The following ATXN1 variants were observed in gnomAD, a reference collection of about 807,000 sequenced individuals.
ATXN1 encodes ataxin 1, also known as ataxin-1.
ATXN1 carries 8 observed loss-of-function variants against 56.4 expected under a neutral mutation model. The ratio of observed to expected loss-of-function variants is 0.14; its 90% confidence interval spans 0.08 to 0.26. ATXN1 has a LOEUF of 0.26. Among genes scored for constraint, ATXN1 ranks in the 10% least tolerant of loss-of-function variants. The probability of loss-of-function intolerance (pLI) is 1.00; values close to 1 mark genes in which losing one functional copy is unlikely to be tolerated. For missense variants in ATXN1, 987 were observed against 1,106.5 expected, an observed-to-expected ratio of 0.89 and a Z score of 1.53; for synonymous variants, 514 against 494.6, an observed-to-expected ratio of 1.04 and a Z score of -0.52.
chr6:16,514,141 G>C (rs1473388148), intron 5 of ATXN1, among the ~76,000 whole-genome samples: 3 of 152,098 alleles, frequency 2.0e-5, no homozygotes, highest in Non-Finnish European at 4.4e-5. Context: ...GCCCCAGAAA[G>C]CAAAACGGGA....
At chr6:16,712,383 G>A (rs758576491) in intron 2 of ATXN1, among the ~76,000 whole-genome samples, 1 of 152,146 alleles carries the variant, frequency 6.6e-6, no homozygotes, top group Non-Finnish European at 1.5e-5. Context: ...AAACAGCCAC[G>A]CAAGGCAGAC....
At chr6:16,417,644 T>G (rs1758940610) in intron 6 of ATXN1, among the ~76,000 whole-genome samples, 1 of 151,986 alleles carries the variant, frequency 6.6e-6, no homozygotes, top group Admixed American at 6.6e-5. Context: ...TTCGCCATAT[T>G]AGCCAGGATG....
chr6:16,357,001 C>T (rs1451293662), intron 6 of ATXN1, among the ~76,000 whole-genome samples: 1 of 152,074 alleles, frequency 6.6e-6, no homozygotes, highest in Non-Finnish European at 1.5e-5. Flanking sequence ...GTACACCACA[C>T]CACCTCTTTA....
chr6:16,430,438 AT>A (rs1759256172), intron 6 of ATXN1, among the ~76,000 whole-genome samples: 1 of 152,210 alleles, frequency 6.6e-6, no homozygotes, highest in African/African-American at 2.4e-5. Context: ...ATTATGAGTA[AT>A]TAGCACAAAG....
At chr6:16,691,093 A>G (rs565836099) in intron 2 of ATXN1, among the ~76,000 whole-genome samples, 1 of 152,334 alleles carries the variant, frequency 6.6e-6, no homozygotes, top group Admixed American at 6.5e-5. Context: ...GACATGATGC[A>G]ACCACCTTCA....
chr6:16,694,013 A>C (rs1310401225), intron 2 of ATXN1, among the ~76,000 whole-genome samples: 1 of 152,252 alleles, frequency 6.6e-6, no homozygotes, highest in East Asian at 1.9e-4. Flanking sequence ...TACAAAAGTC[A>C]AAACTTGAAA....
chr6:16,445,684 C>T (rs1442599122), intron 6 of ATXN1, among the ~76,000 whole-genome samples: 9 of 118,902 alleles, frequency 7.6e-5, no homozygotes, highest in Non-Finnish European at 8.6e-5. Context: ...TCCCCCCACC[C>T]CACAACAGTC....
chr6:16,443,362 G>A (rs34444826), intron 6 of ATXN1, among the ~76,000 whole-genome samples: 44,738 of 151,768 alleles, frequency 0.29, 7,366 homozygotes, highest in East Asian at 0.61. Context: ...TGTGGGTTTT[G>A]TTTCAGGAAA....
Position 16,761,359 on chromosome 6 carries a change from G to A in ATXN1, c.-791C>T. 1 of 456,570 alleles carries A rather than the reference G, an allele frequency of 2.2e-6. No individual in the cohort carries two copies. The highest frequency in any genetic ancestry group is 4.4e-6 in the Non-Finnish European group (1 of 226,930). 28.3% of individuals were successfully genotyped at this position (456,570 alleles called of 1,614,324 possible). A position where few individuals can be genotyped will look rare whatever the true frequency, so the allele number is the denominator to read the frequency against. On this transcript the variant is annotated 5_prime_UTR_variant, in exon 1 of 8. Coordinates refer to ENST00000436367, the MANE Select transcript of ATXN1 (RefSeq NM_001128164.2). The stretch of plus-strand genomic sequence containing the variant: ...GGGGGGGCAGAGGGAGAGAAACAAT[G>A]TCTTGCGGCTGCTGTTGCTCTGGCT...
At chr6:16,312,209 T>C (rs995808962) in intron 7 of ATXN1, among the ~76,000 whole-genome samples, 6 of 152,188 alleles carry the variant, frequency 3.9e-5, no homozygotes, top group East Asian at 1.9e-4. Flanking sequence ...GGTACTATAA[T>C]TGATTAGTGC....
chr6:16,457,783 A>G (rs1215071218), intron 6 of ATXN1, among the ~76,000 whole-genome samples: 1 of 152,140 alleles, frequency 6.6e-6, no homozygotes, highest in Non-Finnish European at 1.5e-5. Flanking sequence ...TCCCCTTCCT[A>G]TTAATGATGA....
intron 5 of ATXN1, among the ~76,000 whole-genome samples, chr6:16,520,656 C>G (rs1761270359): frequency 2.0e-5 from 3 of 152,166 alleles, no homozygotes; most frequent in Admixed American, 2.0e-4. Context: ...TTTACAGTCC[C>G]CAGAGAGCAA....
intron 5 of ATXN1, among the ~76,000 whole-genome samples, chr6:16,515,325 T>C (rs373427876): frequency 6.6e-5 from 10 of 152,128 alleles, no homozygotes; most frequent in African/African-American, 2.4e-4. Context: ...ATCCCCAACT[T>C]GTTGAAAAAT....
chr6:16,669,276 G>C (rs1758490937), intron 2 of ATXN1, among the ~76,000 whole-genome samples: 1 of 152,088 alleles, frequency 6.6e-6, no homozygotes, highest in Admixed American at 6.5e-5. Flanking sequence ...GCCTTGAATG[G>C]TGCATTTCCA....
intron 4 of ATXN1, among the ~76,000 whole-genome samples, chr6:16,553,552 C>T (rs1264933546): frequency 6.6e-6 from 1 of 152,208 alleles, no homozygotes; most frequent in Admixed American, 6.5e-5. Flanking sequence ...CCATTTTTAT[C>T]TTGTCTACCT....
chr6:16,733,500 C>CT (rs77359482), intron 2 of ATXN1, among the ~76,000 whole-genome samples: 6,309 of 151,998 alleles, frequency 0.042, 408 homozygotes, highest in East Asian at 0.32. Flanking sequence ...GGGTTCAAGG[C>CT]TGCAGTAAAG....
chr6:16,431,944 A>C (rs1263437051), intron 6 of ATXN1, among the ~76,000 whole-genome samples: 2 of 152,220 alleles, frequency 1.3e-5, no homozygotes, highest in East Asian at 1.9e-4. Context: ...GGGGGAGCCA[A>C]AGGCAGTTTG....
chr6:16,504,853 T>C (rs1466948078), intron 5 of ATXN1, among the ~76,000 whole-genome samples: 2 of 152,178 alleles, frequency 1.3e-5, no homozygotes, highest in African/African-American at 4.8e-5. Context: ...ACCAGCTCTC[T>C]GACCTTCTTA....
At chr6:16,371,347 C>G (rs1229967347) in intron 6 of ATXN1, among the ~76,000 whole-genome samples, 1 of 147,062 alleles carries the variant, frequency 6.8e-6, no homozygotes, top group African/African-American at 2.5e-5. Context: ...TTAATTGAAT[C>G]AGACTGGACT....
Sources: gnomAD v4.1 joint callset for allele counts (sites outside exome capture counted in the v4.1 genomes callset) on GRCh38, gnomAD v4.1.1 for gene constraint, MANE v1.5 for transcripts, NCBI Gene and HGNC (gene_info 2026-07-23, HGNC 2026-07-21) for gene names.